SYT7: variants seen among roughly 807,000 people sequenced by gnomAD.
SYT7 encodes the protein synaptotagmin 7, also known as synaptotagmin-7.
SYT7 carries 29 observed loss-of-function variants against 75.1 expected under a neutral mutation model. The observed-to-expected ratio is 0.39, with a 90% CI of 0.29 to 0.53. The LOEUF is 0.53. Ranked by LOEUF, SYT7 falls within the 20% of genes least tolerant of loss-of-function variation. The probability of loss-of-function intolerance (pLI) is 0.77; values close to 1 mark genes in which losing one functional copy is unlikely to be tolerated. For synonymous variants in SYT7, 376 were observed against 401.7 expected, an observed-to-expected ratio of 0.94 and a Z score of 0.76; for missense variants, 693 against 953.2, an observed-to-expected ratio of 0.73 and a Z score of 3.59.
At chr11:61,531,763 G>A (rs576712198) in intron 8 of SYT7, among the ~76,000 whole-genome samples, 2 of 151,906 alleles carry the variant, frequency 1.3e-5, no homozygotes, top group Admixed American at 6.6e-5. Flanking sequence ...GCGTGGTGGT[G>A]TACTACTGTA....
At chr11:61,587,592 G>A in the SYT7 span, among the ~76,000 whole-genome samples, 1 of 152,242 alleles carries the variant, frequency 6.6e-6, no homozygotes, top group Non-Finnish European at 1.5e-5. Flanking sequence ...TGGTCCTCCA[G>A]GGCCGCGCAG....
intron 1 of SYT7, among the ~76,000 whole-genome samples, chr11:61,565,994 TGGG>T (rs1472756559): frequency 6.6e-6 from 1 of 152,258 alleles, no homozygotes; most frequent in East Asian, 1.9e-4. Flanking sequence ...ATTATCTGGA[TGGG>T]CCAGCAGCCG....
chr11:61,549,671 C>T (rs1242324024), intron 3 of SYT7, among the ~76,000 whole-genome samples: 2 of 152,222 alleles, frequency 1.3e-5, no homozygotes, highest in Non-Finnish European at 2.9e-5. Flanking sequence ...CACACGGTGG[C>T]TTCTGTCCCT....
At chr11:61,558,663 C>T (rs1189920855) in intron 1 of SYT7, among the ~76,000 whole-genome samples, 1 of 152,130 alleles carries the variant, frequency 6.6e-6, no homozygotes, top group Non-Finnish European at 1.5e-5. Flanking sequence ...GCCCCAGAAC[C>T]ATCAAACAGC....
chr11:61,579,520 C>T (rs575075749), intron 1 of SYT7, among the ~76,000 whole-genome samples: 50 of 152,166 alleles, frequency 3.3e-4, no homozygotes, highest in African/African-American at 1.0e-3. Flanking sequence ...ATCGACTGGA[C>T]TGAAAAGAAT....
At chr11:61,520,665 AT>A (rs1212058375) in intron 12 of SYT7, among the ~76,000 whole-genome samples, 23 of 152,290 alleles carry the variant, frequency 1.5e-4, no homozygotes, top group African/African-American at 4.8e-4. Context: ...TCTACTAAAA[AT>A]ACAAAAATTA....
At position 61,581,003 on chromosome 11, in the gene SYT7, C is replaced by A. The variant is rs1590973635; in HGVS notation, c.-183G>T. On this transcript the variant is annotated 5_prime_UTR_variant, in exon 1 of 13. Transcript: ENST00000539008. ...GGGGCCGCCCGCCAGCCCTCCCGCC[C>A]GCCCGCGGAGCACGCTGCCGCCGCC... The A allele has an allele frequency of 1.0e-6, 1 of 959,164 alleles. No individual in the cohort carries two copies. Among genetic ancestry groups the A allele is most frequent in the Non-Finnish European group, 1.2e-6 (1 of 808,276 alleles). 59.4% of individuals were successfully genotyped at this position (959,164 alleles called of 1,614,324 possible).
intron 3 of SYT7, among the ~76,000 whole-genome samples, chr11:61,550,217 C>T (rs1311283867): frequency 6.6e-6 from 1 of 152,222 alleles, no homozygotes; most frequent in East Asian, 1.9e-4. Context: ...TCTTGCCCCA[C>T]CCCAGACACA....
chr11:61,538,668 G>A (rs1003990799), intron 6 of SYT7, among the ~76,000 whole-genome samples: 1 of 152,092 alleles, frequency 6.6e-6, no homozygotes, highest in African/African-American at 2.4e-5. Flanking sequence ...AGGGTGGGGG[G>A]AATGGAGCAC....
upstream of SYT7, among the ~76,000 whole-genome samples, chr11:61,582,013 A>G (rs188521364): frequency 8.5e-5 from 13 of 152,246 alleles, no homozygotes; most frequent in East Asian, 2.5e-3. Context: ...AGAAAAACCC[A>G]GAAATGAACC....
intron 1 of SYT7, among the ~76,000 whole-genome samples, chr11:61,578,541 G>A (rs138038351): frequency 6.6e-6 from 1 of 152,240 alleles, no homozygotes; most frequent in Non-Finnish European, 1.5e-5. Flanking sequence ...GGGGAGATGG[G>A]GAGGCAGAAA....
At position 61,523,357 on chromosome 11, in the gene SYT7, CTG is replaced by C; in HGVS notation, c.1757-85_1757-84del. ...CCTTTTCCCCTTCCAGGAATGGAAG[CTG>C]AGGCAGGAGGGCCGTGTGCTTTCCC... On this transcript the variant is annotated intron_variant, in intron 11 of 12. Transcript: ENST00000539008. The surrounding 1 kb of genome is among the most constrained non-coding windows in gnomAD (Gnocchi z 5.0). The C allele has an allele frequency of 7.2e-7, 1 of 1,385,960 alleles. No individual in the cohort carries two copies. The highest frequency in any genetic ancestry group is 1.7e-5 in the Admixed American group (1 of 58,674). 85.9% of individuals were successfully genotyped at this position (1,385,960 alleles called of 1,614,324 possible).
rs1437278462 is a variant in SYT7 at position 61,542,150 on chromosome 11, C to G, written c.941+61G>C. ...CACAACCAGCTGCTCCCAAGGAGAT[C>G]TGGGGGGCAGGAGGCTGGGTCAGGG... On this transcript the variant is annotated intron_variant, in intron 6 of 12. Coordinates refer to ENST00000539008, the MANE Select transcript of SYT7 (RefSeq NM_001365809.2). The surrounding 1 kb of genome is among the most constrained non-coding windows in gnomAD (Gnocchi z 7.8). 1 of 1,498,588 alleles carries G rather than the reference C, an allele frequency of 6.7e-7. No homozygotes were observed. The highest frequency in any genetic ancestry group is 8.9e-7 in the Non-Finnish European group (1 of 1,129,478). 92.8% of individuals were successfully genotyped at this position (1,498,588 alleles called of 1,614,324 possible).
intron 1 of SYT7, among the ~76,000 whole-genome samples, chr11:61,566,821 G>C (rs1289544422): frequency 6.6e-6 from 1 of 152,202 alleles, no homozygotes; most frequent in African/African-American, 2.4e-5. Context: ...GGTTGGAACT[G>C]TATGCTATGT....
In SYT7 at chr11:61,542,496, C is replaced by A. The variant is rs1020508406; in HGVS notation, c.656G>T (p.Arg219Leu). The A allele has an allele frequency of 6.5e-7, 1 of 1,532,490 alleles. No homozygotes were observed. Among genetic ancestry groups the A allele is most frequent in the African/African-American group, 1.4e-5 (1 of 72,932 alleles). 94.9% of individuals were successfully genotyped at this position (1,532,490 alleles called of 1,614,324 possible). Residue 219 changes from arginine to leucine, a missense_variant, in exon 6 of 13, where the codon CGC (arginine) becomes CTC (leucine). Transcript: ENST00000539008. This position sits in a 1 kb window ranked among gnomAD's most constrained non-coding sequence, Gnocchi z 7.8. ...STGEPKCQRP[R>L]TLMRQQSLQQ... Reference sequence around the variant, plus strand: ...CAGGCTCTGCTGCCGCATCAGGGTGCGGGGTCGCTGGCATTTCGGCTCTCC... The same window carrying A: ...CAGGCTCTGCTGCCGCATCAGGGTGAGGGGTCGCTGGCATTTCGGCTCTCC...
chr11:61,516,979 T>C lies in SYT7; in HGVS notation c.*1648A>G, dbSNP rs542970111. 1.8e-4 allele frequency: 58 copies of C among 330,724 alleles called. No individual in the cohort carries two copies. Among genetic ancestry groups the C allele is most frequent in the Middle Eastern group, 8.1e-4 (1 of 1,238 alleles). The allele number at this position is 330,724 out of a possible 1,614,324, so 20.5% of individuals were successfully genotyped here. A position where few individuals can be genotyped will look rare whatever the true frequency, so the allele number is the denominator to read the frequency against. ...GAAAATGGTTCCCAAATGCCAATGG[T>C]CTCCCCACGCCCTGGATGTGGGGAC... is the stretch of plus-strand genomic sequence containing the variant. On this transcript the variant is annotated 3_prime_UTR_variant, in exon 13 of 13. Transcript: ENST00000539008. The surrounding 1 kb of genome is among the most constrained non-coding windows in gnomAD (Gnocchi z 4.6).
intron 2 of SYT7, among the ~76,000 whole-genome samples, chr11:61,552,441 C>T (rs889622496): frequency 6.6e-6 from 1 of 151,314 alleles, no homozygotes; most frequent in Non-Finnish European, 1.5e-5. Context: ...CTGGCCTGCC[C>T]CTCCCCGGCT....
At position 61,516,310 on chromosome 11, in the gene SYT7, A is replaced by T. The variant is rs1007476012; in HGVS notation, c.*2317T>A. 1 of 152,132 alleles carries T rather than the reference A, an allele frequency of 6.6e-6. No individual in the cohort carries two copies. Among genetic ancestry groups the T allele is most frequent in the Non-Finnish European group, 1.5e-5 (1 of 68,044 alleles). The allele number at this position is 152,132 out of a possible 1,614,324, so 9.4% of individuals were successfully genotyped here. On this transcript the variant is annotated 3_prime_UTR_variant, in exon 13 of 13. Coordinates refer to ENST00000539008, the MANE Select transcript of SYT7 (RefSeq NM_001365809.2). This position sits in a 1 kb window ranked among gnomAD's most constrained non-coding sequence, Gnocchi z 4.6. ...CTGGGGAAGCCCAAGCCTGGTCGCT[A>T]ATGTGCCTGGGTGGGGTCTGGTTGG...
chr11:61,580,993 C>T lies in SYT7; in HGVS notation c.-173G>A. The T allele has an allele frequency of 1.2e-6, 1 of 844,166 alleles. No homozygotes were observed. Among genetic ancestry groups the T allele is most frequent in the Non-Finnish European group, 1.4e-6 (1 of 703,822 alleles). 52.3% of individuals were successfully genotyped at this position (844,166 alleles called of 1,614,324 possible). A position where few individuals can be genotyped will look rare whatever the true frequency, so the allele number is the denominator to read the frequency against. On this transcript the variant is annotated 5_prime_UTR_variant, in exon 1 of 13. Transcript: ENST00000539008. This position sits in a 1 kb window ranked among gnomAD's most constrained non-coding sequence, Gnocchi z 6.1. ...CCGGGGAGCGGGGGCCGCCCGCCAG[C>T]CCTCCCGCCCGCCCGCGGAGCACGC... is the stretch of plus-strand genomic sequence containing the variant.
Sources: allele counts gnomAD v4.1 joint callset (sites outside exome capture counted in the v4.1 genomes callset), GRCh38; gene constraint gnomAD v4.1.1; non-coding constraint Gnocchi (gnomAD v3.1); transcripts MANE v1.5; gene names NCBI Gene and HGNC (gene_info 2026-07-23, HGNC 2026-07-21).